Variants in USP34 observed in about 807,000 individuals in gnomAD.
USP34 encodes ubiquitin carboxyl-terminal hydrolase 34.
USP34 carries 70 observed loss-of-function variants against 460.3 expected under a neutral mutation model. The observed-to-expected ratio is 0.15, with a 90% CI of 0.13 to 0.19. The LOEUF is 0.19. Among genes scored for constraint, USP34 ranks in the 10% least tolerant of loss-of-function variants. The probability of loss-of-function intolerance (pLI) is 1.00; values close to 1 mark genes in which losing one functional copy is unlikely to be tolerated. For synonymous variants in USP34, 1,647 were observed against 1,405.3 expected (o/e 1.17, Z -3.85); for missense variants, 3,985 against 4,236.2 (o/e 0.94, Z 1.65).
At chr2:61,309,826 C>T (rs564679627) in intron 27 of USP34, among the ~76,000 whole-genome samples, 7 of 152,224 alleles carry the variant, frequency 4.6e-5, no homozygotes, top group East Asian at 1.9e-4. Context: ...GTCTTAACTG[C>T]GCTGATACAT....
intron 62 of USP34, 199 bp from the exon 63 acceptor site, chr2:61,223,495 C>T (rs1687647281): frequency 1.8e-6 from 1 of 558,554 alleles, no homozygotes; most frequent in Admixed American, 3.5e-5. Flanking sequence ...TAAATGAAAG[C>T]CCAAATGTAC....
In USP34 at chr2:61,364,762, C is replaced by T. The variant is rs186171427; in HGVS notation, c.1251+5559G>A. Among the ~76,000 whole-genome samples the T allele has an allele frequency of 2.8e-3, 424 of 151,896 alleles. 1 individual carries two copies. The highest frequency in any genetic ancestry group is 9.5e-3 in the African/African-American group (394 of 41,422). On this transcript the variant is annotated intron_variant, in intron 10 of 79. Coordinates refer to ENST00000398571, the MANE Select transcript of USP34 (RefSeq NM_014709.4). ...TAGCTGACATGATGAAACCTCGTCA[C>T]TATTAAAAATACAAAAATTAGACAA...
intron 1 of USP34, among the ~76,000 whole-genome samples, chr2:61,468,474 C>T (rs920377193): frequency 6.6e-6 from 1 of 152,200 alleles, no homozygotes; most frequent in African/African-American, 2.4e-5. Flanking sequence ...TGAGCCACTG[C>T]GCCTGGCCGT....
intron 53 of USP34, among the ~76,000 whole-genome samples, chr2:61,239,058 A>G (rs1170980018): frequency 6.6e-6 from 1 of 151,988 alleles, no homozygotes; most frequent in Non-Finnish European, 1.5e-5. Flanking sequence ...GGGTACCACG[A>G]ACTACACCCA....
intron 57 of USP34, among the ~76,000 whole-genome samples, chr2:61,234,453 A>G (rs1045612139): frequency 3.3e-5 from 5 of 152,180 alleles, no homozygotes; most frequent in African/African-American, 1.2e-4. Context: ...AGAGAAAACC[A>G]GGCATAAACT....
At chr2:61,466,838 G>A (rs962430857) in intron 1 of USP34, among the ~76,000 whole-genome samples, 1 of 151,876 alleles carries the variant, frequency 6.6e-6, no homozygotes, top group Non-Finnish European at 1.5e-5. Context: ...CTTGAATCCG[G>A]GAGGTGGAGG....
At chr2:61,248,465 G>T in intron 49 of USP34, 46 bp downstream of exon 49, 2 of 1,491,838 alleles carry the variant, frequency 1.3e-6, no homozygotes, top group Non-Finnish European at 1.8e-6. Context: ...CCTTGTTATG[G>T]AGATTGACAA....
At position 61,470,642 on chromosome 2, in the gene USP34, C is replaced by T. The variant is rs761666853; in HGVS notation, c.43+8G>A. On this transcript the variant is annotated splice_region_variant and intron_variant, in intron 1 of 79. Transcript: ENST00000398571. ...GCACCCCGACAGGCCGCTACCGCGG[C>T]TACTTACTTTCATTTAACACCTCCA... 5 of 1,590,176 alleles carry T rather than the reference C, an allele frequency of 3.1e-6. No homozygotes were observed. The highest frequency in any genetic ancestry group is 2.8e-5 in the African/African-American group (2 of 72,266).
chr2:61,226,099 C>T (rs1361346906), intron 62 of USP34, among the ~76,000 whole-genome samples: 6 of 152,214 alleles, frequency 3.9e-5, no homozygotes, highest in Non-Finnish European at 7.3e-5. Flanking sequence ...GTAGTTGGGA[C>T]TACAGGCGTG....
At chr2:61,368,813 C>A (rs1692518771) in intron 10 of USP34, among the ~76,000 whole-genome samples, 1 of 151,938 alleles carries the variant, frequency 6.6e-6, no homozygotes, top group Admixed American at 6.6e-5. Context: ...GCATTTCAAA[C>A]CAAGATACAA....
intron 1 of USP34, among the ~76,000 whole-genome samples, chr2:61,470,421 G>A (rs1222422196): frequency 6.6e-6 from 1 of 150,906 alleles, no homozygotes; most frequent in African/African-American, 2.4e-5. Context: ...GGGCCAGGCC[G>A]AGCCGGAGCT....
In USP34 at chr2:61,383,431, A is replaced by G. The variant is rs185244192; in HGVS notation, c.754-95T>C. 2,949 of 858,516 alleles carry G rather than the reference A, an allele frequency of 3.4e-3. 6 individuals carry two copies. The highest frequency in any genetic ancestry group is 4.3e-3 in the Non-Finnish European group (2,450 of 564,626). The allele number at this position is 858,516 out of a possible 1,614,324, so 53.2% of individuals were successfully genotyped here. On this transcript the variant is annotated intron_variant, in intron 5 of 79. Coordinates refer to ENST00000398571, the MANE Select transcript of USP34 (RefSeq NM_014709.4). ...TGAAAAACAAGAGCATTGGCCAGGCACGGTCGCTCACGCCTGTAATCCCAG... is the reference window on the plus strand; with the variant it reads ...TGAAAAACAAGAGCATTGGCCAGGCGCGGTCGCTCACGCCTGTAATCCCAG...
chr2:61,304,483 T>C (rs1195017248), intron 27 of USP34, among the ~76,000 whole-genome samples: 1 of 152,228 alleles, frequency 6.6e-6, no homozygotes, highest in Non-Finnish European at 1.5e-5. Context: ...AAGGTGATGA[T>C]ATTTGGAGGT....
At chr2:61,392,620 T>C (rs2103896014) in intron 5 of USP34, among the ~76,000 whole-genome samples, 1 of 151,930 alleles carries the variant, frequency 6.6e-6, no homozygotes, top group Non-Finnish European at 1.5e-5. Context: ...TGAGACTCTG[T>C]CTCAAAAAAA....
intron 2 of USP34, among the ~76,000 whole-genome samples, chr2:61,407,734 C>T (rs991091745): frequency 2.6e-5 from 4 of 152,172 alleles, no homozygotes; most frequent in African/African-American, 9.7e-5. Flanking sequence ...GGATCACTTA[C>T]TCTAGAGGAA....
At position 61,288,829 on chromosome 2, in the gene USP34, C is replaced by T. The variant is rs1689766666; in HGVS notation, c.4597G>A (p.Ala1533Thr). 1.2e-6 allele frequency: 2 copies of T among 1,613,548 alleles called. No homozygotes were observed. The highest frequency in any genetic ancestry group is 1.3e-5 in the African/African-American group (1 of 74,906). The part of the protein sequence containing the change: ...ACLLKLICQF[A>T]VDPSDLDLAY... ...AAATCCAAATCGGATGGATCTACTG[C>T]AAACTGGCATATTAACTTCAGCAAG... The change falls in exon 34 of 80, where the codon GCA becomes ACA. Residue 1533 changes from alanine (A) to threonine (T), a missense_variant. Coordinates refer to ENST00000398571, the MANE Select transcript of USP34 (RefSeq NM_014709.4).
chr2:61,315,486 G>C (rs1690715288), intron 23 of USP34, among the ~76,000 whole-genome samples: 1 of 151,652 alleles, frequency 6.6e-6, no homozygotes, highest in Non-Finnish European at 1.5e-5. Context: ...GGATTCTCAT[G>C]CCTTAGCCTC....
chr2:61,220,496 T>A (rs1368463955), intron 66 of USP34, 39 bp from the exon 67 acceptor site: 1 of 1,537,204 alleles, frequency 6.5e-7, no homozygotes. Context: ...TAAGGCCAAC[T>A]GAATGAGCAA....
At chr2:61,432,832 C>G (rs184857046) in intron 1 of USP34, among the ~76,000 whole-genome samples, 1 of 152,110 alleles carries the variant, frequency 6.6e-6, no homozygotes, top group East Asian at 1.9e-4. Flanking sequence ...GCACATGACT[C>G]TAGATATCTA....
Sources: allele counts gnomAD v4.1 joint callset (sites outside exome capture counted in the v4.1 genomes callset), GRCh38; gene constraint gnomAD v4.1.1; transcripts MANE v1.5; gene names NCBI Gene and HGNC (gene_info 2026-07-23, HGNC 2026-07-21).